The following STAG2 variants were observed in gnomAD, a reference collection of about 807,000 sequenced individuals.
STAG2 encodes cohesin subunit SA-2.
STAG2 carries 14 observed loss-of-function variants against 108.1 expected under a neutral mutation model. That is an observed-to-expected ratio of 0.13 (90% CI 0.09 to 0.20). STAG2 has a LOEUF of 0.20. Among genes scored for constraint, STAG2 ranks in the 10% least tolerant of loss-of-function variants. The pLI is 1.00. For missense variants in STAG2, 440 were observed against 940.9 expected (o/e 0.47, Z 6.96); for synonymous variants, 307 against 302.7 (o/e 1.01, Z -0.15).
At position 124,098,354 on chromosome X, in the gene STAG2, CTT is replaced by C. The variant is rs200365737; in HGVS notation, c.3784-2218_3784-2217del. Among the ~76,000 whole-genome samples, 756 of 111,162 alleles carry C rather than the reference CTT, an allele frequency of 6.8e-3. 5 individuals carry two copies. The highest frequency in any genetic ancestry group is 0.023 in the African/African-American group (718 of 30,648). On this transcript the variant is annotated intron_variant, in intron 34 of 34. Transcript: ENST00000371145. ...TAAAGGCTTAGGTGTCTTTAGAAGT[CTT>C]TGACCATGTAATTTTTTTTTTAAAG...
At chrX:124,092,902 G>A (rs934863933) in intron 32 of STAG2, among the ~76,000 whole-genome samples, 1 of 111,679 alleles carries the variant, frequency 9.0e-6, no homozygotes, top group Non-Finnish European at 1.9e-5. Flanking sequence ...AGGAAGTAAG[G>A]ACCATTATAA....
chrX:124,005,952 C>T (rs1022726832), intron 1 of STAG2, among the ~76,000 whole-genome samples: 3 of 111,568 alleles, frequency 2.7e-5, no homozygotes, highest in Admixed American at 1.9e-4. Flanking sequence ...CATTACCTCC[C>T]ATCTCTGCCT....
intron 32 of STAG2, among the ~76,000 whole-genome samples, chrX:124,092,895 A>T (rs919431270): frequency 1.8e-5 from 2 of 111,895 alleles, no homozygotes; most frequent in Non-Finnish European, 3.8e-5. Flanking sequence ...AACTGTTAGG[A>T]AGTAAGGACC....
chrX:124,020,772 T>C (rs2056901143), intron 1 of STAG2, among the ~76,000 whole-genome samples: 1 of 112,114 alleles, frequency 8.9e-6, no homozygotes, highest in Non-Finnish European at 1.9e-5. Flanking sequence ...TGCAGTGGCA[T>C]GATCTCAGCT....
In STAG2 at chrX:124,031,036, C is replaced by T; in HGVS notation, c.199C>T (p.Pro67Ser). The T allele has an allele frequency of 8.3e-7, 1 of 1,208,898 alleles. No individual in the cohort carries two copies. The highest frequency in any genetic ancestry group is 1.1e-6 in the Non-Finnish European group (1 of 894,298). The part of the protein sequence containing the change: ...GNGGGKPPSG[P>S]NRMNGHHQQN... The stretch of plus-strand genomic sequence containing the variant: ...TGGAGGAGGAAAACCTCCTTCTGGT[C>T]CAAACCGAATGAATGGTCATCACCA... Residue 67 changes from proline (P) to serine (S), a missense_variant, in exon 5 of 35, where the codon CCA (proline) becomes TCA (serine). Around this residue, in one of 3 missense-constraint regions of STAG2, gnomAD observed 69 missense variants for 254.9 expected, o/e 0.27. Transcript: ENST00000371145.
intron 20 of STAG2, among the ~76,000 whole-genome samples, chrX:124,065,138 A>T (rs1479889619): frequency 8.9e-6 from 1 of 111,836 alleles, no homozygotes; most frequent in Non-Finnish European, 1.9e-5. Context: ...ATGTACGATG[A>T]TTACATTCTT....
intron 15 of STAG2, among the ~76,000 whole-genome samples, chrX:124,060,386 A>G: frequency 8.9e-6 from 1 of 112,384 alleles, no homozygotes; most frequent in Non-Finnish European, 1.9e-5. Flanking sequence ...TCGGCCTCCC[A>G]GAGTGCTGGG....
At position 124,063,975 on chromosome X, in the gene STAG2, T is replaced by C; in HGVS notation, c.1949T>C (p.Val650Ala). The part of the protein sequence containing the change: ...CNEEFTIFNR[V>A]DISRSQLIDE... ...GAAGAGTTCACAATCTTCAACAGAG[T>C]AGATATTTCAAGAAGTCAACTGATA... The change falls in exon 20 of 35, where the codon GTA becomes GCA. Residue 650 changes from valine to alanine, a missense_variant. Val to Ala is a moderately conservative substitution (Grantham distance 64, BLOSUM62 0). Coordinates refer to ENST00000371145, the MANE Select transcript of STAG2 (RefSeq NM_001042750.2). The C allele has an allele frequency of 8.3e-7, 1 of 1,210,090 alleles. No homozygotes were observed. Among genetic ancestry groups the C allele is most frequent in the Non-Finnish European group, 1.1e-6 (1 of 894,442 alleles).
At chrX:123,960,602 C>CAAAAAAAAAAAAAAAA (rs1208693829), upstream of STAG2, 2 of 7,013 alleles carry the variant, frequency 2.9e-4, 1 homozygote, top group African/African-American at 1.1e-3. Context: ...GAAGCGCCAC[C>CAAAAAAAAAAAAAAAA]AAAAAAAAAA....
Position 124,101,234 on chromosome X carries a change from G to A in STAG2, c.*637G>A, listed in dbSNP as rs946819491. The stretch of plus-strand genomic sequence containing the variant: ...TCCAAGAGCTTCTCTATACTTTTCA[G>A]AAATATCCAGATGCAGTGAACTGCC... On this transcript the variant is annotated 3_prime_UTR_variant, in exon 35 of 35. Coordinates refer to ENST00000371145, the MANE Select transcript of STAG2 (RefSeq NM_001042750.2). 2.0e-5 allele frequency: 3 copies of A among 150,413 alleles called. No individual in the cohort carries two copies. Among genetic ancestry groups the A allele is most frequent in the Non-Finnish European group, 2.6e-5 (2 of 76,452 alleles). 12.4% of individuals were successfully genotyped at this position (150,413 alleles called of 1,213,427 possible). A position where few individuals can be genotyped will look rare whatever the true frequency, so the allele number is the denominator to read the frequency against.
At chrX:124,031,560 GTTT>G (rs1417741491) in intron 5 of STAG2, among the ~76,000 whole-genome samples, 5 of 72,650 alleles carry the variant, frequency 6.9e-5, no homozygotes, top group South Asian at 8.6e-4. Flanking sequence ...TGTTTTTTTT[GTTT>G]TTTTGTTTTT....
At chrX:124,050,414 T>G in intron 11 of STAG2, 105 bp downstream of exon 11, 3 of 847,635 alleles carry the variant, frequency 3.5e-6, no homozygotes, top group Non-Finnish European at 4.7e-6. Context: ...GACACATTTC[T>G]GGAAGCCTCC....
chrX:124,057,720 G>A (rs964827314), intron 14 of STAG2, 146 bp from the exon 15 acceptor site: 1 of 316,258 alleles, frequency 3.2e-6, no homozygotes, highest in African/African-American at 2.7e-5. Context: ...TTTGCGTGGT[G>A]TGCCATGTTG....
chrX:124,006,416 T>C (rs1395101772), intron 1 of STAG2, among the ~76,000 whole-genome samples: 1 of 103,879 alleles, frequency 9.6e-6, no homozygotes, highest in Non-Finnish European at 2.0e-5. Flanking sequence ...GCATCTTTGC[T>C]ATCATTTGGT....
intron 33 of STAG2, 28 bp downstream of exon 33, chrX:124,094,172 T>C: frequency 8.5e-7 from 1 of 1,174,390 alleles, no homozygotes; most frequent in Non-Finnish European, 1.2e-6. Context: ...TTCTGTAAGA[T>C]TTTCAGTTTA....
At chrX:123,982,509 G>T (rs767128718) in intron 1 of STAG2, among the ~76,000 whole-genome samples, 1 of 110,720 alleles carries the variant, frequency 9.0e-6, no homozygotes, top group Admixed American at 9.6e-5. Context: ...CTTGTGTTTT[G>T]GCCTTCTGAG....
chrX:124,039,932 A>T (rs2057655151), intron 6 of STAG2, among the ~76,000 whole-genome samples: 1 of 111,110 alleles, frequency 9.0e-6, no homozygotes, highest in Non-Finnish European at 1.9e-5. Context: ...GGACCTTGTC[A>T]CAAGTGAGTT....
intron 8 of STAG2, among the ~76,000 whole-genome samples, chrX:124,046,727 T>C (rs1456523285): frequency 9.0e-6 from 1 of 111,728 alleles, no homozygotes; most frequent in Non-Finnish European, 1.9e-5. Context: ...GGAGGAAGTT[T>C]TATGAAAAAG....
chrX:124,033,292 A>G (rs1602956556), intron 5 of STAG2, among the ~76,000 whole-genome samples: 1 of 112,285 alleles, frequency 8.9e-6, no homozygotes, highest in South Asian at 3.6e-4. Context: ...CTTTTGGGTT[A>G]TTTTTATCAA....
Sources: gnomAD v4.1 joint callset for allele counts (sites outside exome capture counted in the v4.1 genomes callset) on GRCh38, gnomAD v4.1.1 for gene constraint, gnomAD v4.1.1 regional missense constraint, MANE v1.5 for transcripts, NCBI Gene and HGNC (gene_info 2026-07-23, HGNC 2026-07-21) for gene names.